KDM4C: variants seen among roughly 807,000 people sequenced by gnomAD.
KDM4C encodes lysine demethylase 4C.
Under a neutral mutation model 129.3 loss-of-function variants are expected in KDM4C, and 81 were observed. The observed-to-expected ratio is 0.63, with a 90% CI of 0.52 to 0.75. The LOEUF (loss-of-function observed/expected upper bound fraction) is 0.75, where lower values mean the gene tolerates loss of function less well. KDM4C is among the 30% of genes least tolerant of loss of function. KDM4C has a pLI of 0.00. For synonymous variants in KDM4C, 573 were observed against 456.1 expected, an observed-to-expected ratio of 1.26 and a Z score of -3.26; for missense variants, 1,457 against 1,304.0, an observed-to-expected ratio of 1.12 and a Z score of -1.81.
At chr9:6,831,487 T>C (rs918568046) in intron 4 of KDM4C, among the ~76,000 whole-genome samples, 4 of 152,090 alleles carry the variant, frequency 2.6e-5, no homozygotes, top group African/African-American at 7.2e-5. Flanking sequence ...GGATTACAGG[T>C]GTGTGCCACC....
intron 20 of KDM4C, among the ~76,000 whole-genome samples, chr9:7,168,928 C>G (rs891866016): frequency 1.3e-5 from 2 of 151,788 alleles, no homozygotes; most frequent in Non-Finnish European, 2.9e-5. Flanking sequence ...AGCTATGGTT[C>G]CAGCTTCTCA....
At chr9:7,125,174 G>A (rs1039753735) in intron 18 of KDM4C, among the ~76,000 whole-genome samples, 1 of 151,984 alleles carries the variant, frequency 6.6e-6, no homozygotes. Flanking sequence ...CTCCTACTTT[G>A]CACACCATAG....
intron 19 of KDM4C, among the ~76,000 whole-genome samples, chr9:7,163,876 C>T (rs1280060215): frequency 6.6e-6 from 1 of 152,158 alleles, no homozygotes; most frequent in East Asian, 1.9e-4. Flanking sequence ...TCCGAGCAAA[C>T]TATTTTTTTC....
At chr9:7,131,806 C>T (rs554497370) in intron 19 of KDM4C, among the ~76,000 whole-genome samples, 86 of 152,130 alleles carry the variant, frequency 5.7e-4, no homozygotes, top group Non-Finnish European at 1.2e-3. Flanking sequence ...TCTTGAAGAT[C>T]GTGGCAGAAT....
chr9:6,781,340 A>G (rs1342993137), intron 1 of KDM4C, among the ~76,000 whole-genome samples: 2 of 152,194 alleles, frequency 1.3e-5, no homozygotes, highest in Non-Finnish European at 2.9e-5. Context: ...CCCTCTGGTC[A>G]GAACATTTTC....
chr9:6,725,948 A>G (rs1487874947), intron 1 of KDM4C, among the ~76,000 whole-genome samples: 1 of 133,726 alleles, frequency 7.5e-6, no homozygotes, highest in Non-Finnish European at 1.6e-5. Context: ...TTTTTTTGAG[A>G]CAGAGTCTCG....
chr9:6,879,135 T>G (rs1419600884), intron 5 of KDM4C, among the ~76,000 whole-genome samples: 1 of 152,220 alleles, frequency 6.6e-6, no homozygotes, highest in Non-Finnish European at 1.5e-5. Flanking sequence ...TAACTTGTAC[T>G]AAGTATATAT....
chr9:7,085,629 C>G (rs1425717946), intron 17 of KDM4C, among the ~76,000 whole-genome samples: 1 of 152,008 alleles, frequency 6.6e-6, no homozygotes, highest in Non-Finnish European at 1.5e-5. Flanking sequence ...ATGGTTCCTG[C>G]CACTCCTTCC....
intron 17 of KDM4C, among the ~76,000 whole-genome samples, chr9:7,071,724 TTAGA>T (rs1375989126): frequency 1.3e-5 from 2 of 152,168 alleles, no homozygotes; most frequent in Non-Finnish European, 2.9e-5. Flanking sequence ...ATGAGATTTC[TTAGA>T]TAAATAGATC....
intron 8 of KDM4C, among the ~76,000 whole-genome samples, chr9:6,967,594 T>C (rs557653130): frequency 6.6e-6 from 1 of 152,234 alleles, no homozygotes; most frequent in East Asian, 1.9e-4. Flanking sequence ...AACGGGCTTG[T>C]AGGGAAGATG....
Position 7,169,904 on chromosome 9 carries a change from G to C in KDM4C, c.2994+14G>C. 2.5e-6 allele frequency: 4 copies of C among 1,613,838 alleles called. No individual in the cohort carries two copies. In the South Asian group the frequency reaches 4.4e-5, roughly 18 times the overall value. On this transcript the variant is annotated intron_variant, in intron 21 of 21. Coordinates refer to ENST00000381309, the MANE Select transcript of KDM4C (RefSeq NM_015061.6). The stretch of plus-strand genomic sequence containing the variant: ...AAAGCTCGATTTGTAAGTGCTGGCA[G>C]ATGCCACTTGGGGACCTGCCAAGTG...
chr9:7,023,296 A>G (rs1296282427), intron 15 of KDM4C, among the ~76,000 whole-genome samples: 3 of 152,036 alleles, frequency 2.0e-5, no homozygotes, highest in African/African-American at 7.2e-5. Context: ...AGACCTTTTT[A>G]TTATGGCTTT....
chr9:6,776,047 G>A (rs1822961588), intron 1 of KDM4C, among the ~76,000 whole-genome samples: 1 of 152,146 alleles, frequency 6.6e-6, no homozygotes, highest in Non-Finnish European at 1.5e-5. Flanking sequence ...AATTATTTTT[G>A]TGCGTTCCGT....
chr9:7,050,052 T>C (rs1325942384), intron 17 of KDM4C, among the ~76,000 whole-genome samples: 1 of 152,110 alleles, frequency 6.6e-6, no homozygotes, highest in East Asian at 1.9e-4. Flanking sequence ...TTGCTTGTTT[T>C]CCCACTGCTC....
intron 12 of KDM4C, among the ~76,000 whole-genome samples, chr9:7,007,677 C>G (rs936668855): frequency 3.3e-5 from 5 of 152,086 alleles, no homozygotes; most frequent in Admixed American, 6.5e-5. Flanking sequence ...TCTTTTTGGT[C>G]TCAGGAAGCC....
At chr9:6,875,719 G>GT (rs1843446769) in intron 5 of KDM4C, among the ~76,000 whole-genome samples, 1 of 152,140 alleles carries the variant, frequency 6.6e-6, no homozygotes, top group African/African-American at 2.4e-5. Flanking sequence ...AGATCCATGT[G>GT]TCAGAATCTA....
chr9:6,860,656 G>T (rs1840754547), intron 5 of KDM4C, among the ~76,000 whole-genome samples: 1 of 152,202 alleles, frequency 6.6e-6, no homozygotes, highest in Non-Finnish European at 1.5e-5. Flanking sequence ...ACTGTGAGAA[G>T]AGACATAGAG....
chr9:7,140,892 A>T (rs1032600335), intron 19 of KDM4C, among the ~76,000 whole-genome samples: 1 of 152,260 alleles, frequency 6.6e-6, no homozygotes, highest in Non-Finnish European at 1.5e-5. Flanking sequence ...AGAAATAAAC[A>T]TCTTATCTAG....
chr9:6,835,493 C>T (rs1307894930), intron 4 of KDM4C: 11 of 1,504,120 alleles, frequency 7.3e-6, no homozygotes, highest in Admixed American at 3.3e-5. Context: ...ATCCTGGCCT[C>T]GCTGTCCACC....
Sources: allele counts gnomAD v4.1 joint callset (sites outside exome capture counted in the v4.1 genomes callset), GRCh38; gene constraint gnomAD v4.1.1; transcripts MANE v1.5; gene names NCBI Gene and HGNC (gene_info 2026-07-23, HGNC 2026-07-21).